Variants in NFIB observed in about 807,000 individuals in gnomAD.
NFIB encodes nuclear factor I B.
A neutral mutation model predicts 61.5 loss-of-function variants in NFIB; 11 were observed. That is an observed-to-expected ratio of 0.18 (90% CI 0.11 to 0.30). The LOEUF (loss-of-function observed/expected upper bound fraction) is 0.30. Among genes scored for constraint, NFIB ranks in the 10% least tolerant of loss-of-function variants. The probability of loss-of-function intolerance (pLI) is 1.00; values close to 1 mark genes in which losing one functional copy is unlikely to be tolerated. For missense variants in NFIB, 471 were observed against 608.9 expected (o/e 0.77, Z 2.38); for synonymous variants, 260 against 216.5 (o/e 1.20, Z -1.76).
intron 10 of NFIB, chr9:14,093,552 A>G (rs73409940): frequency 4.8e-4 from 73 of 152,248 alleles, no homozygotes; most frequent in African/African-American, 1.7e-3. Context: ...TAAGTATTTT[A>G]ATTTAAAAGA....
At chr9:14,528,731 C>A in the NFIB span, among the ~76,000 whole-genome samples, 1 of 152,076 alleles carries the variant, frequency 6.6e-6, no homozygotes, top group Non-Finnish European at 1.5e-5. Flanking sequence ...CAAAGAAGTT[C>A]TACTAAGTCT....
the NFIB span, among the ~76,000 whole-genome samples, chr9:14,462,211 G>C: frequency 2.6e-5 from 4 of 151,924 alleles, no homozygotes; most frequent in African/African-American, 4.8e-5. Context: ...ATATTCTTTG[G>C]TTTCTGCTGA....
intron 1 of NFIB, among the ~76,000 whole-genome samples, chr9:14,397,449 A>T (rs936163726): frequency 6.6e-6 from 1 of 152,202 alleles, no homozygotes; most frequent in Non-Finnish European, 1.5e-5. Flanking sequence ...TGGAGAAAAC[A>T]ATCCTTGTTT....
chr9:14,313,610 T>G lies in NFIB; in HGVS notation c.-99A>C. On this transcript the variant is annotated 5_prime_UTR_variant, in exon 1 of 11. Coordinates refer to ENST00000380953, the MANE Select transcript of NFIB (RefSeq NM_001190737.2). The surrounding 1 kb of genome is among the most constrained non-coding windows in gnomAD (Gnocchi z 4.5). ...TTTTACAGTCATCTGAGCCCCGCGA[T>G]GCGATCAATCAGGACGGGGCTCTGC... is the stretch of plus-strand genomic sequence containing the variant. The G allele has an allele frequency of 5.6e-6, 9 of 1,603,652 alleles. No homozygotes were observed. The highest frequency in any genetic ancestry group is 7.7e-6 in the Non-Finnish European group (9 of 1,174,846).
At chr9:14,514,323 T>TACACACACACACACACACACAC in the NFIB span, among the ~76,000 whole-genome samples, 7 of 147,432 alleles carry the variant, frequency 4.7e-5, 1 homozygote, top group African/African-American at 1.3e-4. Flanking sequence ...CATACATACA[T>TACACACACACACACACACACAC]ACATACACAC....
chr9:14,457,910 G>T, the NFIB span, among the ~76,000 whole-genome samples: 4 of 152,196 alleles, frequency 2.6e-5, no homozygotes, highest in East Asian at 7.7e-4. Context: ...AGGACCAGGC[G>T]GATTCACAGC....
At chr9:14,318,067 A>T (rs189909768), upstream of NFIB, among the ~76,000 whole-genome samples, 24 of 152,310 alleles carry the variant, frequency 1.6e-4, no homozygotes, top group East Asian at 3.7e-3. Context: ...CTGGTGTGAC[A>T]GGCCACTTTC....
chr9:14,232,015 A>G (rs2053245117), intron 2 of NFIB, among the ~76,000 whole-genome samples: 1 of 152,156 alleles, frequency 6.6e-6, no homozygotes, highest in South Asian at 2.1e-4. Context: ...ACAACACCAC[A>G]CTCAAAAGAT....
At chr9:14,425,891 G>A in the NFIB span, among the ~76,000 whole-genome samples, 1 of 152,140 alleles carries the variant, frequency 6.6e-6, no homozygotes, top group Non-Finnish European at 1.5e-5. Context: ...CTCAGTAGAT[G>A]CTCTAGGGGG....
intron 1 of NFIB, among the ~76,000 whole-genome samples, chr9:14,377,933 C>T (rs994214842): frequency 6.6e-6 from 1 of 152,206 alleles, no homozygotes; most frequent in Non-Finnish European, 1.5e-5. Flanking sequence ...TCCCCACTTT[C>T]ATCCTCAAAG....
At chr9:14,458,987 G>T in the NFIB span, among the ~76,000 whole-genome samples, 1 of 152,088 alleles carries the variant, frequency 6.6e-6, no homozygotes, top group South Asian at 2.1e-4. Flanking sequence ...GAGCTACGAT[G>T]ACTTTCTTCA....
At chr9:14,303,816 G>A (rs567767822) in intron 2 of NFIB, among the ~76,000 whole-genome samples, 36 of 152,274 alleles carry the variant, frequency 2.4e-4, no homozygotes, top group Non-Finnish European at 4.6e-4. Context: ...TTGTAGCAAC[G>A]AAACAGCCGA....
At chr9:14,513,151 G>A in the NFIB span, among the ~76,000 whole-genome samples, 1 of 152,096 alleles carries the variant, frequency 6.6e-6, no homozygotes, top group Admixed American at 6.5e-5. Flanking sequence ...ATATATTTAT[G>A]TATTCGTTTG....
rs1274285347 is a variant in NFIB, at chr9:14,155,809, A to G, written c.685+16T>C. On this transcript the variant is annotated intron_variant, in intron 4 of 10. Transcript: ENST00000380953. ...TCATACTGCATGCTTAAGTAGTAAC[A>G]AAACAATTTACTTACTTCTGGATAC... 1 of 1,515,958 alleles carries G rather than the reference A, an allele frequency of 6.6e-7. No homozygotes were observed. The highest frequency in any genetic ancestry group is 9.0e-7 in the Non-Finnish European group (1 of 1,108,220). 93.9% of individuals were successfully genotyped at this position (1,515,958 alleles called of 1,614,324 possible).
At chr9:14,495,984 C>T in the NFIB span, among the ~76,000 whole-genome samples, 1 of 152,168 alleles carries the variant, frequency 6.6e-6, no homozygotes, top group Non-Finnish European at 1.5e-5. Flanking sequence ...TTCATCTCTT[C>T]ACCTGTAAAA....
At chr9:14,302,730 C>G (rs1355685814) in intron 2 of NFIB, among the ~76,000 whole-genome samples, 1 of 152,032 alleles carries the variant, frequency 6.6e-6, no homozygotes, top group Admixed American at 6.6e-5. Flanking sequence ...AGGCCAATCC[C>G]ACTCCCGCCC....
the NFIB span, among the ~76,000 whole-genome samples, chr9:14,424,932 T>C: frequency 1.2e-4 from 18 of 152,092 alleles, no homozygotes; most frequent in Admixed American, 7.2e-4. Context: ...AGGATAATCG[T>C]GGCAAGAAAG....
intron 1 of NFIB, among the ~76,000 whole-genome samples, chr9:14,349,309 C>T (rs945648937): frequency 6.6e-6 from 1 of 152,128 alleles, no homozygotes; most frequent in Non-Finnish European, 1.5e-5. Context: ...GAGGAGCACA[C>T]GGTCCCGAGA....
At chr9:14,195,577 T>C (rs2048383416) in intron 2 of NFIB, among the ~76,000 whole-genome samples, 1 of 152,270 alleles carries the variant, frequency 6.6e-6, no homozygotes, top group Admixed American at 6.5e-5. Context: ...GGTTTCTTTA[T>C]TCACTGTCGA....
Sources: allele counts gnomAD v4.1 joint callset (sites outside exome capture counted in the v4.1 genomes callset), GRCh38; gene constraint gnomAD v4.1.1; non-coding constraint Gnocchi (gnomAD v3.1); transcripts MANE v1.5; gene names NCBI Gene and HGNC (gene_info 2026-07-23, HGNC 2026-07-21).